The following NRG2 variants were observed in gnomAD, a reference collection of about 807,000 sequenced individuals.
The protein encoded by NRG2 is pro-neuregulin-2, membrane-bound isoform.
A neutral mutation model predicts 73.9 loss-of-function variants in NRG2; 27 were observed. The observed-to-expected ratio is 0.37, with a 90% CI of 0.27 to 0.50. NRG2 has a LOEUF of 0.50. Ranked by LOEUF, NRG2 falls within the 20% of genes least tolerant of loss-of-function variation. The pLI is 0.96. For synonymous variants in NRG2, 532 were observed against 541.0 expected (o/e 0.98, Z 0.23); for missense variants, 1,126 against 1,210.1 (o/e 0.93, Z 1.03).
At chr5:139,932,904 A>G (rs967028953) in intron 1 of NRG2, among the ~76,000 whole-genome samples, 2 of 152,150 alleles carry the variant, frequency 1.3e-5, no homozygotes, top group African/African-American at 4.8e-5. Context: ...AAAATTTTAA[A>G]AAATCATATT....
intron 1 of NRG2, among the ~76,000 whole-genome samples, chr5:139,931,276 T>C (rs897175497): frequency 2.9e-4 from 44 of 152,222 alleles, no homozygotes; most frequent in Non-Finnish European, 3.1e-4. Flanking sequence ...TAGTTAGGAA[T>C]ACAAAGTACA....
At chr5:139,862,715 CAT>C (rs368430627) in intron 5 of NRG2, among the ~76,000 whole-genome samples, 43 of 152,344 alleles carry the variant, frequency 2.8e-4, no homozygotes, top group African/African-American at 1.0e-3. Flanking sequence ...TGGGTTTGCT[CAT>C]GTGTGCAGGT....
chr5:140,011,843 T>TTG (rs1393751761), intron 1 of NRG2, among the ~76,000 whole-genome samples: 3 of 152,250 alleles, frequency 2.0e-5, no homozygotes, highest in Admixed American at 2.0e-4. Context: ...GGGTAATTTG[T>TTG]TGTGCAGCCA....
chr5:140,031,383 C>T (rs189110285), intron 1 of NRG2, among the ~76,000 whole-genome samples: 1 of 152,316 alleles, frequency 6.6e-6, no homozygotes, highest in East Asian at 1.9e-4. Context: ...TTGGAAGTCC[C>T]AGAGTCCTTT....
intron 1 of NRG2, among the ~76,000 whole-genome samples, chr5:139,984,108 T>C (rs1757000155): frequency 6.6e-6 from 1 of 152,170 alleles, no homozygotes; most frequent in Non-Finnish European, 1.5e-5. Context: ...TATTTAATTA[T>C]ATCAGCTTTA....
chr5:139,872,596 C>A (rs554957871), intron 3 of NRG2, among the ~76,000 whole-genome samples: 1 of 152,086 alleles, frequency 6.6e-6, no homozygotes, highest in Non-Finnish European at 1.5e-5. Context: ...ACAGCCCCAG[C>A]CATAAATCAC....
intron 3 of NRG2, among the ~76,000 whole-genome samples, chr5:139,877,575 C>A (rs1763261918): frequency 6.6e-6 from 1 of 152,226 alleles, no homozygotes. Context: ...AAAACATCCC[C>A]AGCAGGGGCC....
Position 139,985,506 on chromosome 5 carries a change from T to C in NRG2, c.700+56864A>G, listed in dbSNP as rs115198426. ...CCCGAAACAGGAACAGCACCTCCTC[T>C]CCTCAGAACCCAAGTCAAACTTCCT... On this transcript the variant is annotated intron_variant, in intron 1 of 9. Transcript: ENST00000361474. Among the ~76,000 whole-genome samples the C allele has an allele frequency of 4.4e-3, 677 of 152,146 alleles. 7 individuals are homozygous for C. Among genetic ancestry groups the C allele is most frequent in the African/African-American group, 0.016 (660 of 41,500 alleles).
At chr5:140,034,257 G>A (rs575567119) in intron 1 of NRG2, among the ~76,000 whole-genome samples, 1 of 152,142 alleles carries the variant, frequency 6.6e-6, no homozygotes, top group African/African-American at 2.4e-5. Flanking sequence ...ACCATGCCCG[G>A]CCACAAAAGA....
At chr5:139,881,134 T>A (rs1763504921) in intron 2 of NRG2, among the ~76,000 whole-genome samples, 160 bp from the exon 3 acceptor site, 1 of 152,150 alleles carries the variant, frequency 6.6e-6, no homozygotes, top group African/African-American at 2.4e-5. Flanking sequence ...GGAGTCCAGG[T>A]GGGGCACGGA....
At chr5:139,986,379 G>T (rs1264675277) in intron 1 of NRG2, among the ~76,000 whole-genome samples, 1 of 152,126 alleles carries the variant, frequency 6.6e-6, no homozygotes, top group Non-Finnish European at 1.5e-5. Context: ...ATATAAATTG[G>T]TGATCAGACT....
intron 1 of NRG2, among the ~76,000 whole-genome samples, chr5:139,983,510 C>A (rs1349367863): frequency 6.6e-6 from 1 of 152,206 alleles, no homozygotes; most frequent in Non-Finnish European, 1.5e-5. Flanking sequence ...CTCTTTCAGT[C>A]CCTCAGACGC....
At chr5:140,023,304 C>T (rs1204041384) in intron 1 of NRG2, among the ~76,000 whole-genome samples, 1 of 152,064 alleles carries the variant, frequency 6.6e-6, no homozygotes, top group African/African-American at 2.4e-5. Context: ...CCTTGTGGTC[C>T]TGTAAAGACA....
rs1752977214 is a variant in NRG2, at chr5:139,938,053, T to G, written c.701-50542A>C. ...ATGATTGTGCCTCTGCACTCCAGGC[T>G]AGAGGACAGAGTGACACCTTGTCTA... is the stretch of plus-strand genomic sequence containing the variant. On this transcript the variant is annotated intron_variant, in intron 1 of 9. Coordinates refer to ENST00000361474, the MANE Select transcript of NRG2 (RefSeq NM_004883.3). Among the ~76,000 whole-genome samples, 3 of 152,334 alleles carry G rather than the reference T, an allele frequency of 2.0e-5. No homozygotes were observed. In the South Asian group the frequency reaches 6.2e-4, roughly 32 times the overall value.
intron 1 of NRG2, among the ~76,000 whole-genome samples, chr5:140,009,808 C>T (rs1035373633): frequency 3.3e-5 from 5 of 152,118 alleles, no homozygotes; most frequent in Admixed American, 2.0e-4. Context: ...CATGAAAAGA[C>T]GTAGAGGAAA....
At chr5:139,969,976 A>T (rs1436225947) in intron 1 of NRG2, among the ~76,000 whole-genome samples, 1 of 152,264 alleles carries the variant, frequency 6.6e-6, no homozygotes, top group East Asian at 1.9e-4. Context: ...TGTGCCAGGC[A>T]TTGTGCCCCT....
At chr5:140,042,133 C>G (rs1369231837) in intron 1 of NRG2, among the ~76,000 whole-genome samples, 1 of 152,148 alleles carries the variant, frequency 6.6e-6, no homozygotes, top group African/African-American at 2.4e-5. Context: ...CCCGCTGGCA[C>G]AGGCCAGCGC....
At chr5:139,934,860 C>A (rs1752728660) in intron 1 of NRG2, among the ~76,000 whole-genome samples, 1 of 152,162 alleles carries the variant, frequency 6.6e-6, no homozygotes, top group Non-Finnish European at 1.5e-5. Flanking sequence ...GGGATTCATT[C>A]ATTCATAAGA....
chr5:139,945,162 T>C (rs1580789796), intron 1 of NRG2, among the ~76,000 whole-genome samples: 2 of 152,278 alleles, frequency 1.3e-5, no homozygotes, highest in South Asian at 4.1e-4. Flanking sequence ...TAATTCCCTA[T>C]TAGATCAGTA....
Sources: allele counts gnomAD v4.1 joint callset (sites outside exome capture counted in the v4.1 genomes callset), GRCh38; gene constraint gnomAD v4.1.1; transcripts MANE v1.5; gene names NCBI Gene and HGNC (gene_info 2026-07-23, HGNC 2026-07-21).